The following ANK2 variants were observed in gnomAD, a reference collection of about 807,000 sequenced individuals.
The protein encoded by ANK2 is ankyrin 2, also known as ankyrin-2.
A neutral mutation model predicts 360.5 loss-of-function variants in ANK2; 83 were observed. The ratio of observed to expected loss-of-function variants is 0.23; its 90% CI spans 0.19 to 0.28. ANK2 has a LOEUF of 0.28. Ranked by LOEUF, ANK2 falls within the 10% of genes least tolerant of loss-of-function variation. The pLI is 1.00. For synonymous variants in ANK2, 1,740 were observed against 1,759.5 expected, an observed-to-expected ratio of 0.99 and a Z score of 0.28; for missense variants, 4,201 against 4,795.7, an observed-to-expected ratio of 0.88 and a Z score of 3.66.
chr4:112,814,386 T>C (rs1217559444), upstream of ANK2, among the ~76,000 whole-genome samples: 4 of 152,102 alleles, frequency 2.6e-5, no homozygotes, highest in African/African-American at 4.8e-5. Flanking sequence ...TTAGAGGCCA[T>C]GATGAGGAGT....
intron 11 of ANK2, among the ~76,000 whole-genome samples, chr4:113,256,520 C>A (rs2049423195): frequency 6.6e-6 from 1 of 152,168 alleles, no homozygotes; most frequent in Non-Finnish European, 1.5e-5. Context: ...GAGAAAACTG[C>A]AAGAGGCTGT....
rs571623699 is a variant in ANK2 at position 113,382,140 on chromosome 4, A to G, written c.*669A>G. The G allele has an allele frequency of 5.8e-6, 1 of 171,240 alleles. No individual in the cohort carries two copies. Among genetic ancestry groups the G allele is most frequent in the East Asian group, 1.4e-4 (1 of 7,048 alleles). The allele number at this position is 171,240 out of a possible 1,614,324, so 10.6% of individuals were successfully genotyped here. A position where few individuals can be genotyped will look rare whatever the true frequency, so the allele number is the denominator to read the frequency against. ...AATTGCTGAACAATGGTTAATTAAGATATTGCTAACACAATCGAGTGATAA... is the reference window on the plus strand; with the variant it reads ...AATTGCTGAACAATGGTTAATTAAGGTATTGCTAACACAATCGAGTGATAA... On this transcript the variant is annotated 3_prime_UTR_variant, in exon 46 of 46. Transcript: ENST00000357077.
the ANK2 span, among the ~76,000 whole-genome samples, chr4:112,795,085 A>T: frequency 6.6e-6 from 1 of 152,260 alleles, no homozygotes; most frequent in South Asian, 2.1e-4. Flanking sequence ...CTTCTTTTGG[A>T]TTCCTTTGGA....
chr4:112,826,595 TAAAGTC>T lies in ANK2; in HGVS notation c.-40+8334_-40+8339del, dbSNP rs1160199589. The T allele has an allele frequency of 9.8e-6, 14 of 1,424,598 alleles. No homozygotes were observed. In the African/African-American group the frequency reaches 1.8e-4, roughly 18 times the overall value. 88.2% of individuals were successfully genotyped at this position (1,424,598 alleles called of 1,614,324 possible). On this transcript the variant is annotated intron_variant, in intron 1 of 30. Coordinates refer to the ANK2 transcript ENST00000503271. ...AACCAGCTGGGATTCCACAGGCAGT[TAAAGTC>T]AAGCAACTAGTAGTTCAGCAGGCTT...
Position 113,240,555 on chromosome 4 carries a change from G to T in ANK2, c.764G>T (p.Arg255Leu). ...NVNVATLLLN[R>L]GAAVDFTARN... is the part of the protein sequence containing the mutation. ...AACGTGGCAACTCTTCTTCTAAACC[G>T]GGGAGCTGCTGTGGACTTCACAGCC... Residue 255 changes from arginine to leucine, a missense_variant, in exon 8 of 46, where the codon CGG becomes CTG. This residue lies in a region of ANK2 where 122 missense variants were observed against 239.3 expected (regional missense o/e 0.51). Coordinates refer to ENST00000357077, the MANE Select transcript of ANK2 (RefSeq NM_001148.6). 6.2e-7 allele frequency: 1 copy of T among 1,613,754 alleles called. No homozygotes were observed. The highest frequency in any genetic ancestry group is 2.2e-5 in the East Asian group (1 of 44,846).
intron 43 of ANK2, among the ~76,000 whole-genome samples, chr4:113,370,048 C>A (rs572186795): frequency 6.6e-6 from 1 of 152,308 alleles, no homozygotes; most frequent in African/African-American, 2.4e-5. Context: ...ATTGGAAAGT[C>A]TTTTGCTAAG....
the ANK2 span, among the ~76,000 whole-genome samples, chr4:112,786,972 C>G: frequency 6.6e-6 from 1 of 152,042 alleles, no homozygotes; most frequent in African/African-American, 2.4e-5. Flanking sequence ...TGGTCTCCAA[C>G]TCCTGGCATC....
chr4:112,744,618 G>A, the ANK2 span, among the ~76,000 whole-genome samples: 5 of 152,218 alleles, frequency 3.3e-5, no homozygotes, highest in Admixed American at 1.3e-4. Context: ...TCAAAGTGCT[G>A]GGATTACAGG....
At chr4:113,270,763 A>G (rs930749426) in intron 14 of ANK2, among the ~76,000 whole-genome samples, 3 of 152,180 alleles carry the variant, frequency 2.0e-5, no homozygotes, top group Non-Finnish European at 4.4e-5. Flanking sequence ...AGTTCTGCAT[A>G]TTTAACAAAC....
chr4:113,355,054 G>A lies in ANK2; in HGVS notation c.6436G>A (p.Asp2146Asn), dbSNP rs2095660090. 1 of 1,614,074 alleles carries A rather than the reference G, an allele frequency of 6.2e-7. No homozygotes were observed. Among genetic ancestry groups the A allele is most frequent in the South Asian group, 1.1e-5 (1 of 91,082 alleles). ...TGAGGTCATTAAGCAAGAGTTGGAAGACAATGACAAATACCAACAATTCCG... is the reference window on the plus strand; with the variant it reads ...TGAGGTCATTAAGCAAGAGTTGGAAAACAATGACAAATACCAACAATTCCG... Reference protein sequence around the residue: ...FSEVIKQELEDNDKYQQFRLS... With the variant: ...FSEVIKQELENNDKYQQFRLS... Residue 2146 changes from aspartate to asparagine, a missense_variant, in exon 38 of 46, where the codon GAC (aspartate) becomes AAC (asparagine). Coordinates refer to ENST00000357077, the MANE Select transcript of ANK2 (RefSeq NM_001148.6).
chr4:113,042,222 A>G (rs751816972), intron 2 of ANK2, among the ~76,000 whole-genome samples: 6 of 152,098 alleles, frequency 3.9e-5, no homozygotes, highest in Non-Finnish European at 7.4e-5. Flanking sequence ...CTGCCCTCAG[A>G]CATCAGTTTC....
In ANK2 at chr4:113,363,353, T is replaced by G; in HGVS notation, c.10772T>G (p.Leu3591Arg). ...TATCTTCTAGAATTAGCAAGAGAAC[T>G]GGATTTCACTGAGGAGCAAATTCAT... Reference protein sequence around the residue: ...GFSWTELARELDFTEEQIHQI... With the variant: ...GFSWTELARERDFTEEQIHQI... The change falls in exon 40 of 46, where the codon CTG (leucine) becomes CGG (arginine). Residue 3591 changes from leucine to arginine, a missense_variant. This residue lies in a region of ANK2 where 2,642 missense variants were observed against 2,714.5 expected (regional missense o/e 0.97). Transcript: ENST00000357077. 1.9e-6 allele frequency: 3 copies of G among 1,613,264 alleles called. No homozygotes were observed. The highest frequency in any genetic ancestry group is 2.5e-6 in the Non-Finnish European group (3 of 1,179,548).
At chr4:113,312,146 C>T (rs1367789491) in intron 24 of ANK2, among the ~76,000 whole-genome samples, 2 of 146,292 alleles carry the variant, frequency 1.4e-5, no homozygotes, top group African/African-American at 5.5e-5. Context: ...ATATGGATGT[C>T]ATAGCTGGGT....
At chr4:113,057,276 T>C (rs1016205109) in intron 1 of ANK2, among the ~76,000 whole-genome samples, 1 of 152,184 alleles carries the variant, frequency 6.6e-6, no homozygotes, top group Admixed American at 6.6e-5. Context: ...CAGGATTCTG[T>C]AGAAGGGCAA....
rs1475854507 is a variant in ANK2, at chr4:113,318,598, T to C, written c.2878T>C (p.Ser960Pro). ...GTENLDNVAL[S>P]SSPIHSGFLV... Reference sequence around the variant, plus strand: ...TGAGAACTTAGACAACGTGGCTCTTTCTTCTAGTCCTATTCATTCAGGGTG... The same window carrying C: ...TGAGAACTTAGACAACGTGGCTCTTCCTTCTAGTCCTATTCATTCAGGGTG... Residue 960 changes from serine to proline, a missense_variant, in exon 26 of 46, where the codon TCT becomes CCT. Transcript: ENST00000357077. The C allele has an allele frequency of 1.2e-6, 2 of 1,612,910 alleles. No individual in the cohort carries two copies. Among genetic ancestry groups the C allele is most frequent in the African/African-American group, 1.3e-5 (1 of 74,922 alleles).
At chr4:113,029,144 A>G (rs1041474940) in intron 2 of ANK2, among the ~76,000 whole-genome samples, 1 of 152,174 alleles carries the variant, frequency 6.6e-6, no homozygotes, top group Non-Finnish European at 1.5e-5. Flanking sequence ...TGTGGATTAT[A>G]TATTACTTGC....
intron 4 of ANK2, among the ~76,000 whole-genome samples, chr4:113,229,455 T>A (rs971422298): frequency 6.6e-6 from 1 of 152,162 alleles, no homozygotes; most frequent in African/African-American, 2.4e-5. Context: ...AACCTCCTCA[T>A]CTCAAAATTT....
the ANK2 span, among the ~76,000 whole-genome samples, chr4:112,777,856 G>T: frequency 6.6e-6 from 1 of 151,352 alleles, no homozygotes; most frequent in Admixed American, 6.6e-5. Flanking sequence ...GACCTCAGGT[G>T]ATCCGCCCGC....
Position 113,336,711 on chromosome 4 carries a change from T to C in ANK2, c.3726T>C (p.Ala1242=). Residue 1242 remains alanine, a synonymous_variant, in exon 31 of 46, where the codon GCT becomes GCC. Transcript: ENST00000357077. ...PITMTIPVPK[A]SSDVMLNGFG... ...CCATGACCATTCCTGTCCCCAAAGC[T>C]TCAAGTGATGTCATGTTGAATGGTT... is the stretch of plus-strand genomic sequence containing the variant. 1 of 1,614,100 alleles carries C rather than the reference T, an allele frequency of 6.2e-7. No homozygotes were observed. Among genetic ancestry groups the C allele is most frequent in the Non-Finnish European group, 8.5e-7 (1 of 1,180,014 alleles).
Sources: gnomAD v4.1 joint callset for allele counts (sites outside exome capture counted in the v4.1 genomes callset) on GRCh38, gnomAD v4.1.1 for gene constraint, gnomAD v4.1.1 regional missense constraint, MANE v1.5 for transcripts, NCBI Gene and HGNC (gene_info 2026-07-23, HGNC 2026-07-21) for gene names.